ARHGAP12: variants seen among roughly 807,000 people sequenced by gnomAD.
ARHGAP12 encodes the protein rho GTPase-activating protein 12.
A neutral mutation model predicts 108.6 loss-of-function variants in ARHGAP12; 64 were observed. The observed-to-expected ratio is 0.59, with a 90% CI of 0.48 to 0.73. The LOEUF (loss-of-function observed/expected upper bound fraction) is 0.73, where lower values mean the gene tolerates loss of function less well. Ranked by LOEUF, ARHGAP12 falls within the 30% of genes least tolerant of loss-of-function variation. The pLI is 0.00. For synonymous variants in ARHGAP12, 312 were observed against 337.2 expected (o/e 0.93, Z 0.82); for missense variants, 940 against 1,005.9 (o/e 0.93, Z 0.89).
At position 31,869,504 on chromosome 10, in the gene ARHGAP12, T is replaced by C. The variant is rs192509654; in HGVS notation, c.685-7846A>G. ...GTGAGCCAAGACTACACCACTGCACTCCAGCCTGGGTAACAGAGCGAGACT... is the reference window on the plus strand; with the variant it reads ...GTGAGCCAAGACTACACCACTGCACCCCAGCCTGGGTAACAGAGCGAGACT... On this transcript the variant is annotated intron_variant, in intron 3 of 19. Transcript: ENST00000344936. Among the ~76,000 whole-genome samples, 298 of 152,030 alleles carry C rather than the reference T, an allele frequency of 2.0e-3. 3 individuals carry two copies. Among genetic ancestry groups the C allele is most frequent in the African/African-American group, 6.1e-3 (251 of 41,450 alleles).
chr10:31,890,627 G>T (rs984718098), intron 3 of ARHGAP12, among the ~76,000 whole-genome samples: 2 of 152,172 alleles, frequency 1.3e-5, no homozygotes, highest in African/African-American at 2.4e-5. Context: ...AGTGTGGCAA[G>T]AGAGGACTTA....
At chr10:31,808,037 C>G (rs186662286) in intron 19 of ARHGAP12, among the ~76,000 whole-genome samples, 3 of 152,074 alleles carry the variant, frequency 2.0e-5, no homozygotes, top group Non-Finnish European at 4.4e-5. Flanking sequence ...CTGAAAGATA[C>G]AATTAAGCAT....
intron 1 of ARHGAP12, among the ~76,000 whole-genome samples, chr10:31,922,180 CAAAAAAAAAAAAAAAAAAAAAAA>C (rs56210740): frequency 7.6e-5 from 5 of 66,120 alleles, no homozygotes; most frequent in African/African-American, 1.9e-4. Flanking sequence ...GACCCTGCCT[CAAAAAAAAAAAAAAAAAAAAAAA>C]AAAAAAAAAA....
chr10:31,836,798 G>A (rs1050255917), intron 9 of ARHGAP12, among the ~76,000 whole-genome samples: 4 of 152,150 alleles, frequency 2.6e-5, no homozygotes, highest in Non-Finnish European at 4.4e-5. Context: ...AGGGAGTGAA[G>A]AGATGTCACA....
At chr10:31,879,001 A>G (rs966057422) in intron 3 of ARHGAP12, among the ~76,000 whole-genome samples, 3 of 152,230 alleles carry the variant, frequency 2.0e-5, no homozygotes, top group Non-Finnish European at 4.4e-5. Context: ...CAGAAAATGA[A>G]ATCTTCAACT....
In ARHGAP12 at chr10:31,826,370, A is replaced by C. The variant is rs780707996; in HGVS notation, c.1464T>G (p.Ser488=). The change falls in exon 11 of 20, where the codon TCT becomes TCG. Residue 488 remains serine (S), a synonymous_variant. Transcript: ENST00000344936. ...ATGAACCCTGCAACACCGCCCAAGAAGACAACCAGTTCTTTCTGTAATTAT... is the reference window on the plus strand; with the variant it reads ...ATGAACCCTGCAACACCGCCCAAGACGACAACCAGTTCTTTCTGTAATTAT... The part of the protein sequence containing the change: ...NGKKVRKNWL[S]SWAVLQGSSL... 3.2e-5 allele frequency: 51 copies of C among 1,611,510 alleles called. No homozygotes were observed. Among genetic ancestry groups the C allele is most frequent in the Non-Finnish European group, 4.2e-5 (50 of 1,178,688 alleles).
At chr10:31,878,747 T>G (rs2799025) in intron 3 of ARHGAP12, among the ~76,000 whole-genome samples, 7 of 152,052 alleles carry the variant, frequency 4.6e-5, no homozygotes, top group Non-Finnish European at 1.0e-4. Flanking sequence ...AGTTGAACAC[T>G]TGCAACAGAG....
At chr10:31,874,027 C>T (rs2132342990) in intron 3 of ARHGAP12, among the ~76,000 whole-genome samples, 1 of 152,330 alleles carries the variant, frequency 6.6e-6, no homozygotes, top group South Asian at 2.1e-4. Context: ...AAAGAATACT[C>T]TGTCACTGAA....
At chr10:31,809,367 A>G (rs781091787) in intron 16 of ARHGAP12, 60 bp from the exon 17 acceptor site, 190 of 1,475,442 alleles carry the variant, frequency 1.3e-4, no homozygotes, top group Admixed American at 5.6e-4. Context: ...GCCTCTTCTG[A>G]ACACGTTTGC....
intron 3 of ARHGAP12, among the ~76,000 whole-genome samples, chr10:31,874,886 A>G (rs993810567): frequency 2.0e-5 from 3 of 148,074 alleles, no homozygotes; most frequent in African/African-American, 7.4e-5. Context: ...AGGCAAGAGA[A>G]TCTCTTGAAC....
At position 31,810,704 on chromosome 10, in the gene ARHGAP12, C is replaced by T; in HGVS notation, c.1995G>A (p.Glu665=). Residue 665 remains glutamate, a synonymous_variant, in exon 16 of 20, where the codon GAG becomes GAA. Coordinates refer to ENST00000344936, the MANE Select transcript of ARHGAP12 (RefSeq NM_018287.7). The part of the protein sequence containing the change: ...GSNLANLCQR[E]NGTVPKFVKL... ...TCACAAACTTTGGTACTGTGCCATT[C>T]TCTCTCTGACACAGATTAGCGAGAT... 1 of 1,608,778 alleles carries T rather than the reference C, an allele frequency of 6.2e-7. No homozygotes were observed. The highest frequency in any genetic ancestry group is 8.5e-7 in the Non-Finnish European group (1 of 1,177,860).
At chr10:31,917,869 A>G (rs1839627457) in intron 1 of ARHGAP12, among the ~76,000 whole-genome samples, 1 of 152,240 alleles carries the variant, frequency 6.6e-6, no homozygotes, top group Non-Finnish European at 1.5e-5. Context: ...ATTTTTCAAA[A>G]GAAGATACAG....
intron 19 of ARHGAP12, 163 bp downstream of exon 19, chr10:31,808,486 A>C (rs1834900397): frequency 3.3e-6 from 2 of 600,340 alleles, no homozygotes; most frequent in Non-Finnish European, 6.0e-6. Flanking sequence ...TCATTTACCC[A>C]TGACAGACTG....
At chr10:31,810,294 CA>C (rs1834967655) in intron 16 of ARHGAP12, among the ~76,000 whole-genome samples, 1 of 152,060 alleles carries the variant, frequency 6.6e-6, no homozygotes, top group Non-Finnish European at 1.5e-5. Flanking sequence ...AGTAAGTAAA[CA>C]CAATCTCCTC....
chr10:31,821,846 C>A (rs79134403), intron 11 of ARHGAP12, among the ~76,000 whole-genome samples: 1 of 152,014 alleles, frequency 6.6e-6, no homozygotes, highest in Non-Finnish European at 1.5e-5. Flanking sequence ...CATTGTCAAT[C>A]GAAAGACAAA....
chr10:31,809,434 T>G, intron 16 of ARHGAP12, 127 bp from the exon 17 acceptor site: 1 of 821,410 alleles, frequency 1.2e-6, no homozygotes, highest in Admixed American at 2.2e-5. Context: ...GCAAATATTC[T>G]TTTTCTCTAA....
At chr10:31,883,868 T>C (rs1838086810) in intron 3 of ARHGAP12, among the ~76,000 whole-genome samples, 1 of 151,970 alleles carries the variant, frequency 6.6e-6, no homozygotes, top group Non-Finnish European at 1.5e-5. Context: ...CAAGCCCCAA[T>C]GCCCAGCTAA....
intron 13 of ARHGAP12, among the ~76,000 whole-genome samples, chr10:31,815,059 T>C (rs767418551): frequency 6.7e-6 from 1 of 149,100 alleles, no homozygotes; most frequent in Non-Finnish European, 1.5e-5. Context: ...AGGCAGAGGT[T>C]GCAGTGAGCC....
intron 3 of ARHGAP12, among the ~76,000 whole-genome samples, chr10:31,871,367 G>C (rs966773865): frequency 6.6e-6 from 1 of 151,972 alleles, no homozygotes; most frequent in African/African-American, 2.4e-5. Flanking sequence ...TGATTTTCTA[G>C]TTATTGAAAC....
Sources: gnomAD v4.1 joint callset for allele counts (sites outside exome capture counted in the v4.1 genomes callset) on GRCh38, gnomAD v4.1.1 for gene constraint, MANE v1.5 for transcripts, NCBI Gene and HGNC (gene_info 2026-07-23, HGNC 2026-07-21) for gene names.